Variants in REEP1 observed in about 807,000 individuals in gnomAD.
REEP1 encodes the protein receptor accessory protein 1.
Under a neutral mutation model 40.3 loss-of-function variants are expected in REEP1, and 22 were observed. The observed-to-expected ratio is 0.55, with a 90% CI of 0.39 to 0.78. The LOEUF (loss-of-function observed/expected upper bound fraction) is 0.78, where lower values mean the gene tolerates loss of function less well. REEP1 is among the 30% of genes least tolerant of loss of function. REEP1 has a pLI of 0.00. For synonymous variants in REEP1, 116 were observed against 139.2 expected, an observed-to-expected ratio of 0.83 and a Z score of 1.17; for missense variants, 280 against 361.1, an observed-to-expected ratio of 0.78 and a Z score of 1.82.
intron 1 of REEP1, among the ~76,000 whole-genome samples, chr2:86,321,904 C>G (rs75312846): frequency 0.03 from 4,586 of 152,202 alleles, 120 homozygotes; most frequent in East Asian, 0.069. Context: ...TTTTAGTCAT[C>G]ATGCACTGGG....
intron 1 of REEP1, among the ~76,000 whole-genome samples, chr2:86,303,210 T>C (rs1453412502): frequency 8.9e-6 from 1 of 112,254 alleles, no homozygotes; most frequent in East Asian, 2.9e-4. Flanking sequence ...GCCCGGCTAA[T>C]TGTTTTTTTT....
At chr2:86,229,546 C>T (rs1432170347) in intron 6 of REEP1, among the ~76,000 whole-genome samples, 5 of 151,672 alleles carry the variant, frequency 3.3e-5, no homozygotes, top group African/African-American at 1.2e-4. Context: ...AGCCTCTGAC[C>T]CAGGAAATTC....
chr2:86,243,583 A>G (rs1207261418), intron 5 of REEP1, among the ~76,000 whole-genome samples: 1 of 152,220 alleles, frequency 6.6e-6, no homozygotes, highest in Non-Finnish European at 1.5e-5. Flanking sequence ...CACTCCAGGT[A>G]GAAACACTGG....
At chr2:86,235,852 T>G (rs907311641) in intron 5 of REEP1, among the ~76,000 whole-genome samples, 1 of 152,310 alleles carries the variant, frequency 6.6e-6, no homozygotes, top group African/African-American at 2.4e-5. Flanking sequence ...GAGGAAATTA[T>G]AGTGGCATAG....
intron 3 of REEP1, among the ~76,000 whole-genome samples, chr2:86,258,453 G>A (rs1013383103): frequency 6.6e-6 from 1 of 152,140 alleles, no homozygotes; most frequent in Non-Finnish European, 1.5e-5. Flanking sequence ...ACAAAAAAAA[G>A]TATGCTGACT....
chr2:86,215,023 C>CTTTTTTTTTTTT lies in REEP1; in HGVS notation c.*2004_*2015dup, dbSNP rs11350708. 1.4e-3 allele frequency: 82 copies of CTTTTTTTTTTTT among 59,574 alleles called. No homozygotes were observed. The highest frequency in any genetic ancestry group is 1.9e-3 in the East Asian group (3 of 1,590). 3.7% of individuals were successfully genotyped at this position (59,574 alleles called of 1,614,324 possible). A position where few individuals can be genotyped will look rare whatever the true frequency, so the allele number is the denominator to read the frequency against. On this transcript the variant is annotated 3_prime_UTR_variant, in exon 9 of 9. Transcript: ENST00000538924. ...AAAAATTGCTAAGAAGCTGTGTAAG[C>CTTTTTTTTTTTT]TTTTTTTTTTTTTTTTTTTTTTTGC...
chr2:86,262,024 A>T (rs1022309907), intron 3 of REEP1, among the ~76,000 whole-genome samples: 8 of 151,962 alleles, frequency 5.3e-5, no homozygotes, highest in Non-Finnish European at 8.8e-5. Flanking sequence ...TTGTCTGCTG[A>T]CCCTCTCCCC....
chr2:86,254,979 G>A, intron 3 of REEP1, 165 bp from the exon 4 acceptor site: 2 of 687,524 alleles, frequency 2.9e-6, no homozygotes, highest in South Asian at 3.5e-5. Flanking sequence ...GCACACACTT[G>A]CACACACACA....
intron 5 of REEP1, among the ~76,000 whole-genome samples, chr2:86,238,035 G>A (rs531199040): frequency 1.8e-4 from 27 of 152,148 alleles, no homozygotes; most frequent in Admixed American, 1.4e-3. Flanking sequence ...TACAAAATTA[G>A]CCAGGCATGG....
intron 1 of REEP1, among the ~76,000 whole-genome samples, chr2:86,335,167 A>G (rs1192043742): frequency 1.3e-5 from 2 of 152,180 alleles, no homozygotes; most frequent in Non-Finnish European, 1.5e-5. Flanking sequence ...CTCCATCATT[A>G]TTATTAGTTA....
chr2:86,309,402 A>C (rs1679654748), intron 1 of REEP1, among the ~76,000 whole-genome samples: 1 of 152,262 alleles, frequency 6.6e-6, no homozygotes, highest in Non-Finnish European at 1.5e-5. Context: ...TTTGAAAGAA[A>C]TCACAACACA....
intron 1 of REEP1, among the ~76,000 whole-genome samples, chr2:86,303,463 C>T (rs1389970591): frequency 6.6e-6 from 1 of 152,000 alleles, no homozygotes; most frequent in African/African-American, 2.4e-5. Context: ...AAGTGATCCT[C>T]CCAATTCAGC....
At chr2:86,282,079 G>T in intron 2 of REEP1, 91 bp downstream of exon 2, 2 of 850,442 alleles carry the variant, frequency 2.4e-6, no homozygotes, top group African/African-American at 1.7e-5. Context: ...TGCTTCCAGT[G>T]CCCATAGCAC....
At chr2:86,260,974 A>G (rs1211943519) in intron 3 of REEP1, among the ~76,000 whole-genome samples, 3 of 152,238 alleles carry the variant, frequency 2.0e-5, no homozygotes, top group African/African-American at 7.2e-5. Flanking sequence ...AATCAATTCC[A>G]GAAATAGTTG....
At chr2:86,326,884 T>C (rs1680535443) in intron 1 of REEP1, among the ~76,000 whole-genome samples, 1 of 152,218 alleles carries the variant, frequency 6.6e-6, no homozygotes, top group Admixed American at 6.5e-5. Flanking sequence ...CCACAGGTTC[T>C]AGTCCAATTC....
At chr2:86,278,353 G>C (rs926634595) in intron 2 of REEP1, among the ~76,000 whole-genome samples, 8 of 152,224 alleles carry the variant, frequency 5.3e-5, no homozygotes, top group Non-Finnish European at 1.0e-4. Flanking sequence ...TTCAGTGTTC[G>C]GAATGCTGAA....
intron 2 of REEP1, 71 bp downstream of exon 2, chr2:86,282,099 C>G (rs1678127423): frequency 9.9e-7 from 1 of 1,013,392 alleles, no homozygotes; most frequent in Admixed American, 1.7e-5. Context: ...CGGAGGGCAT[C>G]CCCTTCTCCC....
chr2:86,218,489 A>G (rs1453820200), intron 8 of REEP1, among the ~76,000 whole-genome samples: 1 of 152,264 alleles, frequency 6.6e-6, no homozygotes, highest in Non-Finnish European at 1.5e-5. Context: ...AATGCTTACC[A>G]GCCACCTCTG....
intron 1 of REEP1, among the ~76,000 whole-genome samples, chr2:86,328,565 G>C (rs1444663340): frequency 1.3e-5 from 2 of 152,222 alleles, no homozygotes; most frequent in Non-Finnish European, 2.9e-5. Context: ...TGTAGTCCCG[G>C]CTACTCGGGA....
Sources: allele counts gnomAD v4.1 joint callset (sites outside exome capture counted in the v4.1 genomes callset), GRCh38; gene constraint gnomAD v4.1.1; transcripts MANE v1.5; gene names NCBI Gene and HGNC (gene_info 2026-07-23, HGNC 2026-07-21).